Variants in PAH observed in about 807,000 individuals in gnomAD.
PAH encodes phenylalanine-4-hydroxylase.
A neutral mutation model predicts 62.0 loss-of-function variants in PAH; 64 were observed. The ratio of observed to expected loss-of-function variants is 1.03; its 90% CI spans 0.84 to 1.27. The LOEUF is 1.27. PAH is among the 50% of genes most tolerant of loss of function. The probability of loss-of-function intolerance (pLI) is 0.00; values close to 1 mark genes in which losing one functional copy is unlikely to be tolerated. For synonymous variants in PAH, 195 were observed against 196.2 expected (o/e 0.99, Z 0.05); for missense variants, 579 against 542.8 (o/e 1.07, Z -0.66).
At chr12:102,956,518 C>T (rs1766377069) in intron 1 of PAH, among the ~76,000 whole-genome samples, 1 of 152,118 alleles carries the variant, frequency 6.6e-6, no homozygotes, top group South Asian at 2.1e-4. Flanking sequence ...GCCGGGCACA[C>T]GCCTGGGGCG....
intron 4 of PAH, among the ~76,000 whole-genome samples, chr12:102,870,732 G>A (rs1876274080): frequency 6.6e-6 from 1 of 152,116 alleles, no homozygotes; most frequent in South Asian, 2.1e-4. Flanking sequence ...GGGGAAGGAT[G>A]GAACACAGAA....
upstream of PAH, chr12:102,953,352 T>TATC (rs1189116334): frequency 6.6e-6 from 1 of 152,240 alleles, no homozygotes; most frequent in Non-Finnish European, 1.5e-5. Context: ...TCACTTTTAA[T>TATC]ATCAATCCCT....
At chr12:102,949,725 C>T (rs1879664444) in intron 1 of PAH, among the ~76,000 whole-genome samples, 1 of 152,094 alleles carries the variant, frequency 6.6e-6, no homozygotes, top group Non-Finnish European at 1.5e-5. Flanking sequence ...GATGTGTTTG[C>T]ATAACAAGTC....
At chr12:102,955,255 A>G (rs1879878453), upstream of PAH, among the ~76,000 whole-genome samples, 1 of 152,214 alleles carries the variant, frequency 6.6e-6, no homozygotes, top group Non-Finnish European at 1.5e-5. Context: ...ATCTCTGTGT[A>G]TGCATCCTGG....
rs1290090716 is a variant in PAH, at chr12:102,852,789, A to G, written c.842+26T>C. 3 of 1,613,946 alleles carry G rather than the reference A, an allele frequency of 1.9e-6. No individual in the cohort carries two copies. The Admixed American group carries it at 5.0e-5, about 27-fold the overall frequency. On this transcript the variant is annotated intron_variant, in intron 7 of 12. Transcript: ENST00000553106. ...AAGATGGCGCTCATTGTGCCTGGCA[A>G]CTGGTAGCTGGAGGACAGTACTCAC...
chr12:102,957,478 G>A lies in PAH; in HGVS notation c.-96+717C>T, dbSNP rs1879952014. On this transcript the variant is annotated intron_variant, in intron 1 of 4. Coordinates refer to the PAH transcript ENST00000551337. The surrounding 1 kb of genome is among the most constrained non-coding windows in gnomAD (Gnocchi z 4.1). ...AATGGAGAGTTTGCAAGGAGCGGGA[G>A]AAAGGAACGGGAGGGGGGGAGAGGA... Among the ~76,000 whole-genome samples, 1 of 130,736 alleles carries A rather than the reference G, an allele frequency of 7.6e-6. No homozygotes were observed. Among genetic ancestry groups the A allele is most frequent in the Non-Finnish European group, 1.6e-5 (1 of 61,516 alleles). 85.8% of individuals were successfully genotyped at this position (130,736 alleles called of 152,430 possible).
intron 5 of PAH, among the ~76,000 whole-genome samples, chr12:102,855,980 T>C (rs1429986868): frequency 1.4e-5 from 2 of 148,090 alleles, no homozygotes; most frequent in Admixed American, 6.7e-5. Context: ...AACATCATGT[T>C]GTACACCATA....
intron 4 of PAH, among the ~76,000 whole-genome samples, chr12:102,868,063 CATAT>C (rs1358776168): frequency 8.6e-6 from 1 of 116,540 alleles, no homozygotes; most frequent in Non-Finnish European, 1.7e-5. Context: ...TATATATACA[CATAT>C]ATATACATAT....
At chr12:102,855,740 C>T (rs563727654) in intron 5 of PAH, among the ~76,000 whole-genome samples, 2 of 152,108 alleles carry the variant, frequency 1.3e-5, no homozygotes, top group Admixed American at 1.3e-4. Context: ...GAATATATTC[C>T]CTTTCTAAAC....
In PAH at chr12:102,839,110, T is replaced by C; in HGVS notation, c.*65A>G. On this transcript the variant is annotated 3_prime_UTR_variant, in exon 13 of 13. Transcript: ENST00000553106. Reference sequence around the variant, plus strand: ...GGTTTGCTTTTCGGACTTTTTCTGATGAAAGAAATAGTTGGATCTCCATCA... The same window carrying C: ...GGTTTGCTTTTCGGACTTTTTCTGACGAAAGAAATAGTTGGATCTCCATCA... 5 of 1,484,444 alleles carry C rather than the reference T, an allele frequency of 3.4e-6. No homozygotes were observed. Among genetic ancestry groups the C allele is most frequent in the Non-Finnish European group, 4.7e-6 (5 of 1,062,778 alleles). The allele number at this position is 1,484,444 out of a possible 1,614,324, so 92.0% of individuals were successfully genotyped here. A position where few individuals can be genotyped will look rare whatever the true frequency, so the allele number is the denominator to read the frequency against.
At chr12:102,955,196 A>AG (rs1031118958), upstream of PAH, among the ~76,000 whole-genome samples, 13 of 152,176 alleles carry the variant, frequency 8.5e-5, no homozygotes, top group African/African-American at 2.9e-4. Context: ...TGGTGTGTGT[A>AG]GGGGGGAGGA....
At chr12:102,867,947 A>G (rs183855475) in intron 4 of PAH, among the ~76,000 whole-genome samples, 54 of 118,496 alleles carry the variant, frequency 4.6e-4, no homozygotes, top group Non-Finnish European at 7.6e-4. Context: ...ATACATGTAT[A>G]TACATATATA....
chr12:102,896,389 G>A (rs958488373), intron 2 of PAH, among the ~76,000 whole-genome samples: 1 of 152,170 alleles, frequency 6.6e-6, no homozygotes, highest in Non-Finnish European at 1.5e-5. Flanking sequence ...TAAGAATTAT[G>A]GTTTTGATTC....
At chr12:102,934,514 G>C (rs967123562) in intron 1 of PAH, among the ~76,000 whole-genome samples, 8 of 151,936 alleles carry the variant, frequency 5.3e-5, no homozygotes, top group African/African-American at 1.9e-4. Flanking sequence ...GCTTTGGGTA[G>C]TATGTACGTT....
chr12:102,913,094 G>A (rs1014618892), intron 1 of PAH, among the ~76,000 whole-genome samples, 196 bp from the exon 2 acceptor site: 1 of 152,166 alleles, frequency 6.6e-6, no homozygotes, highest in African/African-American at 2.4e-5. Flanking sequence ...AATGATCAAT[G>A]ATGCTACTGG....
chr12:102,917,506 T>C (rs1402567811), upstream of PAH: 2 of 314,268 alleles, frequency 6.4e-6, no homozygotes, highest in Non-Finnish European at 1.2e-5. Flanking sequence ...TCCGGGACTC[T>C]CAGAAGCCTG....
intron 1 of PAH, among the ~76,000 whole-genome samples, chr12:102,937,646 GTTA>G (rs1443398361): frequency 6.6e-6 from 1 of 151,880 alleles, no homozygotes; most frequent in African/African-American, 2.4e-5. Context: ...TGTTGTTGTA[GTTA>G]TTATTTTTTA....
Position 102,855,144 on chromosome 12 carries a change from A to C in PAH, c.698T>G (p.Phe233Cys). 1 of 1,613,894 alleles carries C rather than the reference A, an allele frequency of 6.2e-7. No individual in the cohort carries two copies. The change falls in exon 6 of 13, where the codon TTC (phenylalanine) becomes TGC (cysteine). Residue 233 changes from phenylalanine to cysteine, a missense_variant. Coordinates refer to ENST00000553106, the MANE Select transcript of PAH (RefSeq NM_000277.3). ...NIPQLEDVSQFLQTCTGFRLR... is the reference protein window; with the variant it reads ...NIPQLEDVSQCLQTCTGFRLR... ...CCCTGATGTGGACTTACTCTGCAGG[A>C]ACTGAGAAACGTCTTCCAGCTGGGG...
chr12:102,928,406 G>A (rs1266800911), intron 1 of PAH, among the ~76,000 whole-genome samples: 10 of 152,112 alleles, frequency 6.6e-5, no homozygotes, highest in Admixed American at 2.6e-4. Flanking sequence ...CTGAGATATT[G>A]TAGTCTTCTG....
Sources: gnomAD v4.1 joint callset for allele counts (sites outside exome capture counted in the v4.1 genomes callset) on GRCh38, gnomAD v4.1.1 for gene constraint, Gnocchi (gnomAD v3.1) non-coding constraint, MANE v1.5 for transcripts, NCBI Gene and HGNC (gene_info 2026-07-23, HGNC 2026-07-21) for gene names.